ERP44: variants seen among roughly 807,000 people sequenced by gnomAD.
ERP44 encodes endoplasmic reticulum protein 44, also known as endoplasmic reticulum resident protein 44.
A neutral mutation model predicts 53.4 loss-of-function variants in ERP44; 25 were observed. That is an observed-to-expected ratio of 0.47 (90% CI 0.34 to 0.65). The LOEUF is 0.65. ERP44 is among the 30% of genes least tolerant of loss of function. ERP44 has a pLI of 0.01. For missense variants in ERP44, 338 were observed against 493.2 expected, an observed-to-expected ratio of 0.69 and a Z score of 2.98; for synonymous variants, 145 against 161.2, an observed-to-expected ratio of 0.90 and a Z score of 0.76.
chr9:100,023,780 G>C (rs1297971553), intron 4 of ERP44, among the ~76,000 whole-genome samples: 1 of 152,058 alleles, frequency 6.6e-6, no homozygotes, highest in African/African-American at 2.4e-5. Flanking sequence ...TAAACAAAAA[G>C]TTTTAAAAAA....
intron 1 of ERP44, among the ~76,000 whole-genome samples, chr9:100,072,232 T>C (rs772089984): frequency 6.6e-6 from 1 of 152,160 alleles, no homozygotes; most frequent in Non-Finnish European, 1.5e-5. Flanking sequence ...TAGTTCAGCT[T>C]TCTAAGCACT....
chr9:99,989,319 T>TATG (rs1204267163), intron 10 of ERP44, among the ~76,000 whole-genome samples: 1 of 152,194 alleles, frequency 6.6e-6, no homozygotes, highest in Non-Finnish European at 1.5e-5. Context: ...GGTGCCCCTC[T>TATG]GAGACGAAGC....
At chr9:100,014,940 T>C (rs1830513518) in intron 8 of ERP44, among the ~76,000 whole-genome samples, 1 of 152,234 alleles carries the variant, frequency 6.6e-6, no homozygotes, top group Non-Finnish European at 1.5e-5. Flanking sequence ...GGTGCCAGCA[T>C]GGTCAGTTCT....
At chr9:100,079,012 G>A (rs961326128) in intron 1 of ERP44, among the ~76,000 whole-genome samples, 4 of 152,114 alleles carry the variant, frequency 2.6e-5, no homozygotes, top group Admixed American at 6.5e-5. Context: ...TTGATAAGGG[G>A]TGGACTTGTG....
intron 1 of ERP44, among the ~76,000 whole-genome samples, chr9:100,076,979 C>G (rs952294419): frequency 2.6e-5 from 4 of 152,230 alleles, no homozygotes; most frequent in African/African-American, 9.6e-5. Flanking sequence ...TTGGCCACTG[C>G]TGAGTGCCCA....
At chr9:100,070,880 G>A (rs1826294495) in intron 1 of ERP44, among the ~76,000 whole-genome samples, 1 of 152,102 alleles carries the variant, frequency 6.6e-6, no homozygotes, top group African/African-American at 2.4e-5. Context: ...GAGACAAGGA[G>A]TTAAGCACAA....
chr9:100,031,190 G>GA (rs34860838), intron 4 of ERP44, among the ~76,000 whole-genome samples: 20 of 150,672 alleles, frequency 1.3e-4, no homozygotes, highest in Middle Eastern at 3.4e-3. Flanking sequence ...GCAAGTACCT[G>GA]AAAAAAAAAA....
intron 9 of ERP44, among the ~76,000 whole-genome samples, chr9:100,007,100 T>G (rs191775060): frequency 1.5e-3 from 222 of 152,364 alleles, no homozygotes; most frequent in Admixed American, 3.7e-3. Flanking sequence ...ACCTTTAGTT[T>G]ATTTTGTTTG....
At chr9:100,015,114 C>T (rs1830515105) in intron 8 of ERP44, among the ~76,000 whole-genome samples, 1 of 152,166 alleles carries the variant, frequency 6.6e-6, no homozygotes, top group Non-Finnish European at 1.5e-5. Flanking sequence ...AATACTGTCA[C>T]ATTGGGGATT....
Position 100,033,118 on chromosome 9 carries a change from T to C in ERP44, c.287-10892A>G, listed in dbSNP as rs1312100075. 3.3e-5 allele frequency among the ~76,000 whole-genome samples: 5 copies of C among 152,250 alleles called. No homozygotes were observed. In the East Asian group the frequency reaches 5.8e-4, roughly 18 times the overall value. ...TGATTTCTCCAGAATTTGGAAACTA[T>C]TTGTAAGTATTCTTAACTTATGGCA... On this transcript the variant is annotated intron_variant, in intron 4 of 11. Transcript: ENST00000262455.
intron 1 of ERP44, among the ~76,000 whole-genome samples, chr9:100,087,064 T>C (rs1161234147): frequency 3.1e-5 from 4 of 127,266 alleles, no homozygotes; most frequent in South Asian, 2.1e-4. Flanking sequence ...AGAATATTTA[T>C]TAAATGAATA....
chr9:100,020,346 T>A (rs983388306), intron 6 of ERP44, among the ~76,000 whole-genome samples: 3 of 152,230 alleles, frequency 2.0e-5, no homozygotes, highest in African/African-American at 4.8e-5. Flanking sequence ...AGTTAGTAAA[T>A]GAGTTGAATA....
In ERP44 at chr9:100,067,599, T is replaced by G. The variant is rs537274976; in HGVS notation, c.58-7427A>C. 3.2e-4 allele frequency among the ~76,000 whole-genome samples: 49 copies of G among 152,292 alleles called. 1 individual carries two copies. In the South Asian group the frequency reaches 9.7e-3, roughly 30 times the overall value. On this transcript the variant is annotated intron_variant, in intron 1 of 11. Transcript: ENST00000262455. ...CCCAAAGTGCTGAGATTGCAGCCTC[T>G]GCCCGGCCGCCACCCCGTCTGGGAA... is the stretch of plus-strand genomic sequence containing the variant.
At chr9:100,072,802 G>T (rs550151157) in intron 1 of ERP44, among the ~76,000 whole-genome samples, 5 of 152,138 alleles carry the variant, frequency 3.3e-5, no homozygotes, top group Admixed American at 3.3e-4. Flanking sequence ...ATTACAAAAA[G>T]TTCTCTAACT....
intron 1 of ERP44, among the ~76,000 whole-genome samples, chr9:100,072,669 T>A (rs1198702184): frequency 6.6e-6 from 1 of 152,116 alleles, no homozygotes. Context: ...ATTACAAGTG[T>A]GCGCCACCAC....
intron 10 of ERP44, among the ~76,000 whole-genome samples, chr9:99,993,203 A>G (rs1237478690): frequency 1.3e-5 from 2 of 152,226 alleles, no homozygotes; most frequent in African/African-American, 4.8e-5. Flanking sequence ...CCCATTGCCA[A>G]TTCAATCCTA....
At chr9:100,072,605 C>T (rs1190933793) in intron 1 of ERP44, among the ~76,000 whole-genome samples, 1 of 152,128 alleles carries the variant, frequency 6.6e-6, no homozygotes, top group Admixed American at 6.5e-5. Context: ...TCACTGCAAC[C>T]TTCGCCTCCC....
At chr9:99,984,907 T>C in intron 11 of ERP44, 60 bp downstream of exon 11, 1 of 1,054,890 alleles carries the variant, frequency 9.5e-7, no homozygotes, top group South Asian at 1.4e-5. Flanking sequence ...AGACCCTCTT[T>C]GAGGCTAACT....
At chr9:100,052,321 GA>G (rs552912305) in intron 4 of ERP44, 95 bp downstream of exon 4, 51 of 537,792 alleles carry the variant, frequency 9.5e-5, no homozygotes, top group South Asian at 2.8e-4. Context: ...AAAAGAAAAG[GA>G]AAAAAAAAGA....
Sources: gnomAD v4.1 joint callset for allele counts (sites outside exome capture counted in the v4.1 genomes callset) on GRCh38, gnomAD v4.1.1 for gene constraint, MANE v1.5 for transcripts, NCBI Gene and HGNC (gene_info 2026-07-23, HGNC 2026-07-21) for gene names.